The following EVA1C variants were observed in gnomAD, a reference collection of about 807,000 sequenced individuals.
EVA1C encodes the protein eva-1 homolog C.
Under a neutral mutation model 45.4 loss-of-function variants are expected in EVA1C, and 25 were observed. The observed-to-expected ratio is 0.55, with a 90% CI of 0.40 to 0.77. EVA1C has a LOEUF of 0.77. Among genes scored for constraint, EVA1C ranks in the 30% least tolerant of loss-of-function variants. The pLI, the probability that EVA1C is intolerant of heterozygous loss-of-function variation, is 0.00. For synonymous variants in EVA1C, 190 were observed against 221.2 expected (o/e 0.86, Z 1.25); for missense variants, 479 against 554.8 (o/e 0.86, Z 1.37).
intron 4 of EVA1C, among the ~76,000 whole-genome samples, chr21:32,487,031 G>T (rs1270325058): frequency 6.6e-6 from 1 of 152,198 alleles, no homozygotes; most frequent in Non-Finnish European, 1.5e-5. Context: ...TAAGTTATAA[G>T]TGCAATCAGA....
At position 32,453,387 on chromosome 21, in the gene EVA1C, G is replaced by A. The variant is rs143068465; in HGVS notation, c.236G>A (p.Arg79Gln). The change falls in exon 2 of 8, where the codon CGG becomes CAG. Residue 79 changes from arginine (R) to glutamine (Q), a missense_variant. Arg to Gln is a conservative substitution (Grantham distance 43). Around this residue, in one of 3 missense-constraint regions of EVA1C, gnomAD observed 33 missense variants for 64.9 expected, o/e 0.51. Transcript: ENST00000300255. Reference sequence around the variant, plus strand: ...GACTATTTGAATCTACAGTGCCCTCGGCATTCTACGATAAGTGTCCAATCG... The same window carrying A: ...GACTATTTGAATCTACAGTGCCCTCAGCATTCTACGATAAGTGTCCAATCG... The part of the protein sequence containing the change: ...DGDYLNLQCP[R>Q]HSTISVQSAF... The A allele has an allele frequency of 8.7e-3, 14,078 of 1,611,486 alleles. 71 individuals carry two copies. The highest frequency in any genetic ancestry group is 0.01 in the Non-Finnish European group (11,999 of 1,179,484).
chr21:32,501,337 T>C, intron 5 of EVA1C, 78 bp from the exon 6 acceptor site: 2 of 1,247,446 alleles, frequency 1.6e-6, no homozygotes, highest in Non-Finnish European at 2.2e-6. Flanking sequence ...CTTATCTACA[T>C]TGCATTTAAA....
intron 2 of EVA1C, among the ~76,000 whole-genome samples, chr21:32,455,964 C>T (rs1202202027): frequency 1.3e-5 from 2 of 152,152 alleles, no homozygotes; most frequent in African/African-American, 4.8e-5. Flanking sequence ...GCAATCTCGG[C>T]TTACCACAAC....
At chr21:32,434,477 G>C (rs2146175852) in intron 1 of EVA1C, among the ~76,000 whole-genome samples, 1 of 151,868 alleles carries the variant, frequency 6.6e-6, no homozygotes, top group African/African-American at 2.4e-5. Context: ...TGTAGTCCCA[G>C]CTACTCGGGA....
In EVA1C at chr21:32,514,937, G is replaced by A; in HGVS notation, c.1073G>A (p.Arg358Lys). 1.2e-6 allele frequency: 2 copies of A among 1,614,196 alleles called. No individual in the cohort carries two copies. The highest frequency in any genetic ancestry group is 1.1e-5 in the South Asian group (1 of 91,076). Reference sequence around the variant, plus strand: ...GACTTCCGCGACTTGCAGCTGGGGAGGGAGCAGCTGGTGCCAGGAAGTGAC... The same window carrying A: ...GACTTCCGCGACTTGCAGCTGGGGAAGGAGCAGCTGGTGCCAGGAAGTGAC... Reference protein sequence around the residue: ...AKDFRDLQLGREQLVPGSDKV... With the variant: ...AKDFRDLQLGKEQLVPGSDKV... The change falls in exon 8 of 8, where the codon AGG becomes AAG. Residue 358 changes from arginine to lysine, a missense_variant. By Grantham distance (26) the Arg-to-Lys change is conservative (BLOSUM62 2). Transcript: ENST00000300255.
At chr21:32,423,980 A>C (rs999810308) in intron 1 of EVA1C, among the ~76,000 whole-genome samples, 10 of 152,216 alleles carry the variant, frequency 6.6e-5, no homozygotes, top group Non-Finnish European at 1.3e-4. Context: ...CAAATCTTTA[A>C]TTCGGATGAG....
chr21:32,427,794 G>T (rs2034547651), intron 1 of EVA1C, among the ~76,000 whole-genome samples: 1 of 150,150 alleles, frequency 6.7e-6, no homozygotes. Context: ...AAGGTGGGAG[G>T]ATGACTTGAA....
At chr21:32,492,704 C>G (rs8131815) in intron 4 of EVA1C, among the ~76,000 whole-genome samples, 69,242 of 148,918 alleles carry the variant, frequency 0.46, 16,800 homozygotes, top group African/African-American at 0.6. Context: ...GGACAGTTTT[C>G]TTTTGTTTTT....
intron 4 of EVA1C, among the ~76,000 whole-genome samples, chr21:32,490,288 C>T (rs1463443917): frequency 1.3e-5 from 2 of 152,184 alleles, no homozygotes; most frequent in African/African-American, 4.8e-5. Context: ...CTGTGGATTT[C>T]ACTACTCTAG....
intron 2 of EVA1C, among the ~76,000 whole-genome samples, chr21:32,455,366 C>A (rs117509772): frequency 1.3e-5 from 2 of 152,174 alleles, no homozygotes; most frequent in South Asian, 4.1e-4. Flanking sequence ...AGGGTGAAGA[C>A]CTGATGGTCT....
intron 5 of EVA1C, among the ~76,000 whole-genome samples, chr21:32,497,723 A>C: frequency 6.6e-6 from 1 of 152,208 alleles, no homozygotes; most frequent in East Asian, 1.9e-4. Context: ...AAGGGGGTTT[A>C]ATTGGACTTA....
chr21:32,501,992 CTTTCTTTCTT>C (rs2037550213), intron 6 of EVA1C, among the ~76,000 whole-genome samples: 3 of 7,376 alleles, frequency 4.1e-4, no homozygotes, highest in African/African-American at 1.2e-3. Context: ...TCTTTTCTTT[CTTTCTTTCTT>C]TCTTTCTTTC....
intron 3 of EVA1C, among the ~76,000 whole-genome samples, chr21:32,460,756 C>CTTTTTTT (rs3056330): frequency 0.42 from 62,049 of 148,880 alleles, 13,426 homozygotes; most frequent in African/African-American, 0.53. Context: ...ACAGAAGAAT[C>CTTTTTTT]TTTTTTTTGG....
At chr21:32,461,013 T>C (rs2035978513) in intron 3 of EVA1C, among the ~76,000 whole-genome samples, 1 of 152,238 alleles carries the variant, frequency 6.6e-6, no homozygotes, top group African/African-American at 2.4e-5. Flanking sequence ...CCCAAAGTGC[T>C]AGGATCACAG....
chr21:32,512,933 G>A (rs551552496), intron 7 of EVA1C, among the ~76,000 whole-genome samples: 10 of 151,948 alleles, frequency 6.6e-5, no homozygotes, highest in East Asian at 1.9e-4. Context: ...AAGTGAAGTC[G>A]GGAGAGATGA....
intron 4 of EVA1C, among the ~76,000 whole-genome samples, chr21:32,477,549 G>A (rs2036609260): frequency 6.6e-6 from 1 of 152,028 alleles, no homozygotes; most frequent in Non-Finnish European, 1.5e-5. Flanking sequence ...ACTTGCAAGG[G>A]GACTGGCTCA....
intron 4 of EVA1C, among the ~76,000 whole-genome samples, chr21:32,491,132 CAG>C (rs2037139642): frequency 6.6e-6 from 1 of 152,124 alleles, no homozygotes; most frequent in Non-Finnish European, 1.5e-5. Context: ...ACTGAGAAGA[CAG>C]GGGAGAAGGA....
intron 1 of EVA1C, among the ~76,000 whole-genome samples, chr21:32,413,570 A>C (rs2033917932): frequency 6.6e-6 from 1 of 152,232 alleles, no homozygotes; most frequent in Non-Finnish European, 1.5e-5. Context: ...AAAGTGTACC[A>C]GGGTCCTCCC....
At position 32,515,300 on chromosome 21, in the gene EVA1C, A is replaced by C; in HGVS notation, c.*110A>C. ...TCTATGAAGGAGAATTCGTCATGTC[A>C]TTCAACACTCGTGAGGCCAGGAAGC... On this transcript the variant is annotated 3_prime_UTR_variant, in exon 8 of 8. Coordinates refer to ENST00000300255, the MANE Select transcript of EVA1C (RefSeq NM_058187.5). 1 of 1,227,666 alleles carries C rather than the reference A, an allele frequency of 8.1e-7. No homozygotes were observed. The highest frequency in any genetic ancestry group is 1.1e-6 in the Non-Finnish European group (1 of 884,382). 76.0% of individuals were successfully genotyped at this position (1,227,666 alleles called of 1,614,324 possible). A position where few individuals can be genotyped will look rare whatever the true frequency, so the allele number is the denominator to read the frequency against.
Sources: gnomAD v4.1 joint callset for allele counts (sites outside exome capture counted in the v4.1 genomes callset) on GRCh38, gnomAD v4.1.1 for gene constraint, gnomAD v4.1.1 regional missense constraint, MANE v1.5 for transcripts, NCBI Gene and HGNC (gene_info 2026-07-23, HGNC 2026-07-21) for gene names.